The following CNTN5 variants were observed in gnomAD, a reference collection of about 807,000 sequenced individuals.
CNTN5 encodes the protein contactin 5.
Under a neutral mutation model 129.1 loss-of-function variants are expected in CNTN5, and 77 were observed. That is an observed-to-expected ratio of 0.60 (90% CI 0.50 to 0.72). The LOEUF is 0.72. Ranked by LOEUF, CNTN5 falls within the 30% of genes least tolerant of loss-of-function variation. The pLI is 0.00. For missense variants in CNTN5, 1,478 were observed against 1,328.8 expected (o/e 1.11, Z -1.75); for synonymous variants, 509 against 465.6 (o/e 1.09, Z -1.20).
chr11:99,326,332 G>A (rs575129168), intron 2 of CNTN5, among the ~76,000 whole-genome samples: 1 of 152,262 alleles, frequency 6.6e-6, no homozygotes, highest in Non-Finnish European at 1.5e-5. Context: ...TTTATAAAAT[G>A]TTGACAATAG....
chr11:99,108,782 G>A (rs952454368), intron 1 of CNTN5, among the ~76,000 whole-genome samples: 2 of 152,030 alleles, frequency 1.3e-5, no homozygotes, highest in South Asian at 2.1e-4. Context: ...TAGATTTTGT[G>A]TTGAATTAAT....
chr11:99,687,178 T>C (rs1354838268), intron 3 of CNTN5, among the ~76,000 whole-genome samples: 1 of 151,828 alleles, frequency 6.6e-6, no homozygotes, highest in Non-Finnish European at 1.5e-5. Flanking sequence ...ACACTGTTAT[T>C]TAGTTGGGTA....
At chr11:99,448,834 G>A (rs980865586) in intron 2 of CNTN5, among the ~76,000 whole-genome samples, 1 of 149,938 alleles carries the variant, frequency 6.7e-6, no homozygotes, top group Non-Finnish European at 1.5e-5. Flanking sequence ...CTGGAGAGTG[G>A]TGGTGTGATC....
At chr11:99,185,792 TAAAATAACCCATC>T (rs150733518) in intron 1 of CNTN5, among the ~76,000 whole-genome samples, 18,360 of 134,768 alleles carry the variant, frequency 0.14, 1,423 homozygotes, top group South Asian at 0.17. Context: ...ATCACAATTT[TAAAATAACCCATC>T]AAAATAACCC....
intron 8 of CNTN5, among the ~76,000 whole-genome samples, chr11:99,997,317 T>C (rs1010224491): frequency 1.3e-5 from 2 of 152,194 alleles, no homozygotes; most frequent in Admixed American, 6.5e-5. Context: ...CTAGTTATTT[T>C]AATTGTGATG....
chr11:99,824,557 C>T (rs1192725192), intron 4 of CNTN5, among the ~76,000 whole-genome samples: 1 of 151,792 alleles, frequency 6.6e-6, no homozygotes, highest in Admixed American at 6.6e-5. Context: ...TTTACTTTGT[C>T]AGTAGTACCT....
chr11:99,572,213 A>T lies in CNTN5; in HGVS notation c.55+15944A>T, dbSNP rs561014874. Among the ~76,000 whole-genome samples the T allele has an allele frequency of 3.1e-4, 47 of 152,338 alleles. 1 individual carries two copies. Among genetic ancestry groups the T allele is most frequent in the African/African-American group, 7.0e-4 (29 of 41,570 alleles). ...CCATGGGCCACACTGGAAAAAGAAG[A>T]ATTGTCTTGGGTCACACATAAAATA... On this transcript the variant is annotated intron_variant, in intron 3 of 24. Transcript: ENST00000524871.
chr11:100,155,739 T>TGTAA (rs141594347), intron 13 of CNTN5, among the ~76,000 whole-genome samples: 23,820 of 151,980 alleles, frequency 0.16, 2,391 homozygotes, highest in Non-Finnish European at 0.23. Context: ...TCACATCCCT[T>TGTAA]GTAAGTTGTA....
At chr11:99,297,475 CTGTAGT>C (rs1864442190) in intron 1 of CNTN5, among the ~76,000 whole-genome samples, 2 of 63,980 alleles carry the variant, frequency 3.1e-5, no homozygotes, top group African/African-American at 4.9e-5. Flanking sequence ...AGATGACATG[CTGTAGT>C]GCCAAACCCA....
chr11:100,070,519 A>G lies in CNTN5; in HGVS notation c.1258A>G (p.Thr420Ala). 6.2e-7 allele frequency: 1 copy of G among 1,613,134 alleles called. No homozygotes were observed. Among genetic ancestry groups the G allele is most frequent in the Admixed American group, 1.7e-5 (1 of 59,908 alleles). ...ECKATGKPRP[T>A]YRWLKNGVPL... ...TAAGGCTACTGGAAAACCCAGACCC[A>G]CGTATCGTTGGCTGAAGAATGGAGT... is the stretch of plus-strand genomic sequence containing the variant. Residue 420 changes from threonine to alanine, a missense_variant, in exon 11 of 25, where the codon ACG (threonine) becomes GCG (alanine). Coordinates refer to ENST00000524871, the MANE Select transcript of CNTN5 (RefSeq NM_014361.4).
chr11:99,240,933 A>G (rs1180017666), intron 1 of CNTN5, among the ~76,000 whole-genome samples: 1 of 152,202 alleles, frequency 6.6e-6, no homozygotes, highest in East Asian at 1.9e-4. Flanking sequence ...AACCTGTGCA[A>G]TATAGAATAA....
At chr11:99,632,002 T>G (rs544569533) in intron 3 of CNTN5, among the ~76,000 whole-genome samples, 47 of 152,236 alleles carry the variant, frequency 3.1e-4, no homozygotes, top group African/African-American at 1.1e-3. Flanking sequence ...AAATTAAACT[T>G]TATCATAGGA....
chr11:99,361,002 T>C (rs1939071186), intron 2 of CNTN5, among the ~76,000 whole-genome samples: 1 of 152,182 alleles, frequency 6.6e-6, no homozygotes, highest in Non-Finnish European at 1.5e-5. Flanking sequence ...ACTCAAGAAT[T>C]TCTGCTTTCC....
chr11:99,366,166 A>T (rs1031785701), intron 2 of CNTN5, among the ~76,000 whole-genome samples: 2 of 152,062 alleles, frequency 1.3e-5, no homozygotes, highest in Non-Finnish European at 2.9e-5. Context: ...CTCACTAATG[A>T]TTATTTTGTT....
chr11:99,997,982 T>C (rs1212453934), intron 8 of CNTN5, among the ~76,000 whole-genome samples: 2 of 152,108 alleles, frequency 1.3e-5, no homozygotes, highest in East Asian at 3.9e-4. Flanking sequence ...TCTCAATAAA[T>C]TAGGGATTGA....
chr11:99,536,738 T>C (rs1947913419), intron 2 of CNTN5, among the ~76,000 whole-genome samples: 1 of 151,772 alleles, frequency 6.6e-6, no homozygotes, highest in Non-Finnish European at 1.5e-5. Context: ...AAAATATTAT[T>C]ACTAACTCTG....
Position 100,308,467 on chromosome 11 carries a change from A to G in CNTN5, c.2729A>G (p.Glu910Gly). 1.2e-6 allele frequency: 2 copies of G among 1,609,130 alleles called. No homozygotes were observed. Among genetic ancestry groups the G allele is most frequent in the Non-Finnish European group, 1.7e-6 (2 of 1,176,984 alleles). The change falls in exon 21 of 25, where the codon GAG becomes GGG. Residue 910 changes from glutamate (E) to glycine (G), a missense_variant and splice_region_variant. By Grantham distance (98) the Glu-to-Gly change is moderately conservative (BLOSUM62 -2). Transcript: ENST00000524871. The stretch of plus-strand genomic sequence containing the variant: ...AGTCTAGGAAGACCACAGGGATTTG[A>G]GGTATGAACAGAATGATTGAAAATA... ...KESLGRPQGF[E>G]VGYWKDMEQE...
At chr11:99,229,214 G>T (rs1860850805) in intron 1 of CNTN5, among the ~76,000 whole-genome samples, 1 of 151,642 alleles carries the variant, frequency 6.6e-6, no homozygotes, top group African/African-American at 2.4e-5. Context: ...ATTTAACATT[G>T]AATTTTTTAT....
intron 3 of CNTN5, among the ~76,000 whole-genome samples, chr11:99,624,754 C>T (rs1022618841): frequency 1.3e-5 from 2 of 152,168 alleles, no homozygotes; most frequent in East Asian, 1.9e-4. Flanking sequence ...GTGACTGATA[C>T]ATGTCTGATG....
Sources: allele counts gnomAD v4.1 joint callset (sites outside exome capture counted in the v4.1 genomes callset), GRCh38; gene constraint gnomAD v4.1.1; transcripts MANE v1.5; gene names NCBI Gene and HGNC (gene_info 2026-07-23, HGNC 2026-07-21).